The following RAB17 variants were observed in gnomAD, a reference collection of about 807,000 sequenced individuals.
RAB17 encodes ras-related protein Rab-17.
A neutral mutation model predicts 19.3 loss-of-function variants in RAB17; 15 were observed. The ratio of observed to expected loss-of-function variants is 0.78; its 90% CI spans 0.52 to 1.20. RAB17 has a LOEUF of 1.20. RAB17 is among the 50% of genes most tolerant of loss of function. RAB17 has a pLI of 0.00. For missense variants in RAB17, 262 were observed against 269.3 expected (o/e 0.97, Z 0.19); for synonymous variants, 110 against 112.8 (o/e 0.97, Z 0.16).
chr2:237,587,128 C>T (rs541070478), intron 1 of RAB17, among the ~76,000 whole-genome samples: 1 of 152,340 alleles, frequency 6.6e-6, no homozygotes, highest in South Asian at 2.1e-4. Context: ...GCAAGATTGC[C>T]ATGAGAGTGT....
In RAB17 at chr2:237,574,666, A is replaced by G; in HGVS notation, c.*353T>C. On this transcript the variant is annotated 3_prime_UTR_variant, in exon 6 of 6. Transcript: ENST00000264601. ...CCCCCATCAAGATCAGACGTAAGGC[A>G]TCTTCCCACCGTCGCTGTGCTGCGG... 6.8e-7 allele frequency: 1 copy of G among 1,462,178 alleles called. No individual in the cohort carries two copies. The highest frequency in any genetic ancestry group is 1.5e-5 in the South Asian group (1 of 68,872). 90.6% of individuals were successfully genotyped at this position (1,462,178 alleles called of 1,614,324 possible).
chr2:237,586,078 C>A lies in RAB17; in HGVS notation c.77G>T (p.Gly26Val). The A allele has an allele frequency of 6.2e-7, 1 of 1,613,706 alleles. No individual in the cohort carries two copies. Among genetic ancestry groups the A allele is most frequent in the Non-Finnish European group, 8.5e-7 (1 of 1,179,808 alleles). The change falls in exon 2 of 6, where the codon GGA (glycine) becomes GTA (valine). Residue 26 changes from glycine (G) to valine (V), a missense_variant. By Grantham distance (109) the Gly-to-Val change is moderately radical. Coordinates refer to ENST00000264601, the MANE Select transcript of RAB17 (RefSeq NM_022449.4). ...QPRVFKLVLLGSGSVGKSSLA... is the reference protein window; with the variant it reads ...QPRVFKLVLLVSGSVGKSSLA... ...GCTGGACTTACCCACGGAGCCACTT[C>A]CCAGGAGAACCAGCTTGAACACACG... is the stretch of plus-strand genomic sequence containing the variant.
At chr2:237,577,510 G>A (rs76789185) in intron 3 of RAB17, 128 bp from the exon 4 acceptor site, 15,173 of 1,087,006 alleles carry the variant, frequency 0.014, 148 homozygotes, top group Non-Finnish European at 0.017. Context: ...GGCCATGGGC[G>A]CACCTGCAGG....
At chr2:237,576,579 G>A (rs1253776443) in intron 4 of RAB17, 5 of 471,074 alleles carry the variant, frequency 1.1e-5, no homozygotes, top group Non-Finnish European at 2.2e-5. Flanking sequence ...CTCTTTGGGA[G>A]GCGCGCCCGT....
At chr2:237,584,138 A>G (rs1274720335) in intron 2 of RAB17, among the ~76,000 whole-genome samples, 1 of 151,776 alleles carries the variant, frequency 6.6e-6, no homozygotes, top group Non-Finnish European at 1.5e-5. Flanking sequence ...CCTGTAAAAT[A>G]CAGAATGCCC....
intron 2 of RAB17, among the ~76,000 whole-genome samples, chr2:237,581,704 G>T (rs990651380): frequency 3.0e-4 from 45 of 152,338 alleles, no homozygotes; most frequent in African/African-American, 1.0e-3. Flanking sequence ...AAAGGAACAT[G>T]AAATGGAAAC....
chr2:237,586,002 C>T lies in RAB17; in HGVS notation c.153G>A (p.Val51=). The change falls in exon 2 of 6, where the codon GTG becomes GTA. Residue 51 remains valine, a synonymous_variant. Transcript: ENST00000264601. ...KNDFKSILPT[V]GCAFFTKVVD... ...GGGTGCTCTGCCCTCACTTACAGCC[C>T]ACCGTAGGCAGGATACTCTTGAAGT... is the stretch of plus-strand genomic sequence containing the variant. 1 of 1,604,142 alleles carries T rather than the reference C, an allele frequency of 6.2e-7. No homozygotes were observed. The highest frequency in any genetic ancestry group is 8.5e-7 in the Non-Finnish European group (1 of 1,175,320).
At chr2:237,584,514 C>A (rs1465438470) in intron 2 of RAB17, among the ~76,000 whole-genome samples, 2 of 152,154 alleles carry the variant, frequency 1.3e-5, no homozygotes, top group African/African-American at 2.4e-5. Flanking sequence ...GCAAGAATAT[C>A]ATTTACAGAG....
chr2:237,581,267 G>A (rs893049600), intron 2 of RAB17, among the ~76,000 whole-genome samples: 9 of 151,686 alleles, frequency 5.9e-5, no homozygotes, highest in Non-Finnish European at 8.8e-5. Context: ...CCCAGCTACT[G>A]AAGAGGTGGA....
intron 3 of RAB17, chr2:237,577,587 T>C (rs183774042): frequency 2.8e-4 from 164 of 578,728 alleles, no homozygotes; most frequent in Non-Finnish European, 4.2e-4. Context: ...GGCAGAAAAC[T>C]GCTAGGACAC....
rs375492612 is a variant in RAB17 at position 237,580,736 on chromosome 2, ACT to A, written c.158-2583_158-2582del. Among the ~76,000 whole-genome samples the A allele has an allele frequency of 7.7e-3, 1,109 of 144,592 alleles. 15 individuals are homozygous for A. Among genetic ancestry groups the A allele is most frequent in the African/African-American group, 0.025 (999 of 39,480 alleles). The allele number at this position is 144,592 out of a possible 152,430, so 94.9% of individuals were successfully genotyped here. ...CCTGGGCAGCAGGAGACAGAGTGAG[ACT>A]CTGCCTCAAAAAAAGAAGGGGGGGG... On this transcript the variant is annotated intron_variant, in intron 2 of 5. Transcript: ENST00000264601.
chr2:237,578,286 G>T, intron 2 of RAB17, 131 bp from the exon 3 acceptor site: 1 of 841,800 alleles, frequency 1.2e-6, no homozygotes, highest in Non-Finnish European at 1.8e-6. Flanking sequence ...TCCCACGCCC[G>T]CATGGCCAGG....
At chr2:237,578,947 T>G (rs1219136527) in intron 2 of RAB17, 2 of 143,110 alleles carry the variant, frequency 1.4e-5, no homozygotes, top group Non-Finnish European at 3.1e-5. Context: ...ACACAACTAC[T>G]CCCAAGCACT....
intron 2 of RAB17, among the ~76,000 whole-genome samples, chr2:237,582,630 C>T (rs2081317388): frequency 6.6e-6 from 1 of 152,200 alleles, no homozygotes; most frequent in Non-Finnish European, 1.5e-5. Flanking sequence ...CCTACCCTCT[C>T]CCCTGGACAG....
intron 2 of RAB17, among the ~76,000 whole-genome samples, chr2:237,583,001 C>A (rs1285912981): frequency 4.6e-5 from 7 of 152,190 alleles, no homozygotes; most frequent in Non-Finnish European, 7.3e-5. Flanking sequence ...ACTCGGGAGG[C>A]TGAGGCAGGA....
intron 3 of RAB17, chr2:237,577,644 G>A (rs1022125654): frequency 4.1e-5 from 20 of 487,902 alleles, no homozygotes; most frequent in Admixed American, 2.2e-4. Flanking sequence ...TGCCAGCCAC[G>A]GGGTATTTCA....
chr2:237,577,812 G>T, intron 3 of RAB17, 192 bp downstream of exon 3: 1 of 639,708 alleles, frequency 1.6e-6, no homozygotes, highest in Non-Finnish European at 2.7e-6. Context: ...GTTCTTTGTG[G>T]ACCACGGAGG....
At chr2:237,577,536 T>C in intron 3 of RAB17, 154 bp from the exon 4 acceptor site, 1 of 832,888 alleles carries the variant, frequency 1.2e-6, no homozygotes, top group Admixed American at 2.9e-5. Context: ...TCCGTTCCTC[T>C]GAGGAGGGCA....
intron 2 of RAB17, among the ~76,000 whole-genome samples, chr2:237,582,941 T>A (rs1422210405): frequency 6.6e-6 from 1 of 152,140 alleles, no homozygotes; most frequent in African/African-American, 2.4e-5. Flanking sequence ...ACTCCGTCTC[T>A]ACTAAAAATA....
Sources: gnomAD v4.1 joint callset for allele counts (sites outside exome capture counted in the v4.1 genomes callset) on GRCh38, gnomAD v4.1.1 for gene constraint, MANE v1.5 for transcripts, NCBI Gene and HGNC (gene_info 2026-07-23, HGNC 2026-07-21) for gene names.